Variants in ECT2L observed in about 807,000 individuals in gnomAD.
The protein encoded by ECT2L is epithelial cell transforming 2 like.
ECT2L carries 126 observed loss-of-function variants against 122.8 expected under a neutral mutation model. That is an observed-to-expected ratio of 1.03 (90% confidence interval 0.89 to 1.19). The LOEUF (loss-of-function observed/expected upper bound fraction) is 1.19, where lower values mean the gene tolerates loss of function less well. Among genes scored for constraint, ECT2L ranks in the 50% most tolerant of loss-of-function variants. ECT2L has a pLI of 0.00. For missense variants in ECT2L, 1,012 were observed against 1,064.1 expected, an observed-to-expected ratio of 0.95 and a Z score of 0.68; for synonymous variants, 385 against 381.8, an observed-to-expected ratio of 1.01 and a Z score of -0.10.
chr6:138,901,270 A>C, intron 21 of ECT2L, 150 bp downstream of exon 21: 2 of 839,404 alleles, frequency 2.4e-6, no homozygotes, highest in Non-Finnish European at 3.6e-6. Context: ...TAAACAATGT[A>C]AACTTTCATC....
chr6:138,887,378 C>G (rs1395788464), intron 19 of ECT2L, among the ~76,000 whole-genome samples: 1 of 152,074 alleles, frequency 6.6e-6, no homozygotes, highest in African/African-American at 2.4e-5. Flanking sequence ...AGGTGTCCAC[C>G]ACCACGCCCA....
intron 8 of ECT2L, 107 bp downstream of exon 8, chr6:138,846,784 G>GA: frequency 8.0e-7 from 1 of 1,244,680 alleles, no homozygotes; most frequent in South Asian, 2.3e-5. Context: ...CCATGTGTAT[G>GA]AAAAATGATT....
chr6:138,882,682 C>G, intron 15 of ECT2L, 42 bp from the exon 16 acceptor site: 1 of 1,604,810 alleles, frequency 6.2e-7, no homozygotes, highest in Non-Finnish European at 8.5e-7. Flanking sequence ...TGTAAGTTAT[C>G]ACAAGTGAAT....
rs79568805 is a variant in ECT2L at position 138,843,997 on chromosome 6, G to C, written c.596-415G>C. Among the ~76,000 whole-genome samples the C allele has an allele frequency of 8.6e-3, 1,306 of 152,212 alleles. 22 individuals are homozygous for C. The highest frequency in any genetic ancestry group is 0.03 in the African/African-American group (1,237 of 41,544). ...AGCCACGGCGCCCAGCCTCAGCTAG[G>C]CCTTATGCTTTATGCAGTGTGTAAA... On this transcript the variant is annotated intron_variant, in intron 6 of 21. Transcript: ENST00000541398.
At chr6:138,878,306 T>TATACACACACAC (rs139026623) in intron 14 of ECT2L, among the ~76,000 whole-genome samples, 71 of 150,332 alleles carry the variant, frequency 4.7e-4, no homozygotes, top group Admixed American at 3.1e-3. Context: ...CATATATATA[T>TATACACACACAC]ACACACACAC....
At chr6:138,863,539 C>T (rs1286306210) in intron 11 of ECT2L, among the ~76,000 whole-genome samples, 2 of 151,946 alleles carry the variant, frequency 1.3e-5, no homozygotes, top group Non-Finnish European at 2.9e-5. Flanking sequence ...TTTGGCTCTG[C>T]GGAGAGAGGA....
intron 9 of ECT2L, among the ~76,000 whole-genome samples, chr6:138,849,635 C>G (rs576165680): frequency 1.3e-4 from 19 of 147,878 alleles, no homozygotes; most frequent in African/African-American, 4.0e-4. Context: ...CTGGTGTGAT[C>G]ACGGCTCACT....
At chr6:138,816,492 ATT>A (rs528296059) in intron 4 of ECT2L, among the ~76,000 whole-genome samples, 1 of 149,250 alleles carries the variant, frequency 6.7e-6, no homozygotes, top group African/African-American at 2.5e-5. Flanking sequence ...TCCTTTAAAC[ATT>A]TTTTTTTTGA....
At chr6:138,885,263 C>T (rs980373727) in intron 16 of ECT2L, among the ~76,000 whole-genome samples, 1 of 151,946 alleles carries the variant, frequency 6.6e-6, no homozygotes, top group East Asian at 1.9e-4. Context: ...CTCCTGACCT[C>T]GTGATCCGCC....
chr6:138,820,476 G>T (rs1424834908), intron 4 of ECT2L, among the ~76,000 whole-genome samples: 1 of 152,060 alleles, frequency 6.6e-6, no homozygotes, highest in Admixed American at 6.6e-5. Context: ...AAAAATCCTT[G>T]GCCCTTGATA....
At chr6:138,887,383 C>T (rs1582660955) in intron 19 of ECT2L, among the ~76,000 whole-genome samples, 1 of 152,154 alleles carries the variant, frequency 6.6e-6, no homozygotes, top group East Asian at 1.9e-4. Context: ...TCCACCACCA[C>T]GCCCAGCTAA....
At chr6:138,850,396 C>T (rs1004977007) in intron 9 of ECT2L, among the ~76,000 whole-genome samples, 6 of 152,160 alleles carry the variant, frequency 3.9e-5, no homozygotes, top group Middle Eastern at 3.4e-3. Flanking sequence ...CCACCTGCCT[C>T]GGCCTCCCAA....
chr6:138,823,664 G>A (rs1776340171), intron 4 of ECT2L: 1 of 1,438,216 alleles, frequency 7.0e-7, no homozygotes, highest in South Asian at 1.2e-5. Context: ...ATGTTTTTAT[G>A]GGAGCATCTT....
At chr6:138,869,319 T>C (rs1273456604) in intron 13 of ECT2L, among the ~76,000 whole-genome samples, 1 of 152,252 alleles carries the variant, frequency 6.6e-6, no homozygotes, top group East Asian at 1.9e-4. Flanking sequence ...ATCTTTCTCT[T>C]CCACCATCAT....
rs1482372284 is a variant in ECT2L at position 138,862,705 on chromosome 6, G to T, written c.1277G>T (p.Gly426Val). 2.0e-5 allele frequency: 32 copies of T among 1,613,954 alleles called. No homozygotes were observed. The highest frequency in any genetic ancestry group is 2.6e-5 in the Non-Finnish European group (31 of 1,179,944). Reference sequence around the variant, plus strand: ...ACGGCCCCCACTGGGATTGCAACTGGCTCTTACCAGCACAGTAAGTGTTAT... The same window carrying T: ...ACGGCCCCCACTGGGATTGCAACTGTCTCTTACCAGCACAGTAAGTGTTAT... The part of the protein sequence containing the change: ...FFTAPTGIAT[G>V]SYQHILSDWL... The change falls in exon 11 of 22, where the codon GGC becomes GTC. Residue 426 changes from glycine (G) to valine (V), a missense_variant. Physicochemically the swap from Gly to Val is moderately radical, Grantham distance 109. Coordinates refer to ENST00000541398, the MANE Select transcript of ECT2L (RefSeq NM_001077706.3).
intron 1 of ECT2L, among the ~76,000 whole-genome samples, chr6:138,800,710 T>C (rs543532808): frequency 3.9e-4 from 59 of 152,316 alleles, no homozygotes; most frequent in African/African-American, 1.4e-3. Flanking sequence ...AAGGAATTTG[T>C]TTTTTTCTTA....
intron 14 of ECT2L, chr6:138,879,155 C>A: frequency 8.1e-6 from 2 of 246,806 alleles, no homozygotes; most frequent in South Asian, 4.7e-5. Context: ...AAATTGGAAT[C>A]TGATCCGCCT....
chr6:138,833,591 T>C (rs1374343777), intron 4 of ECT2L, among the ~76,000 whole-genome samples: 1 of 151,884 alleles, frequency 6.6e-6, no homozygotes, highest in Non-Finnish European at 1.5e-5. Context: ...TCACCTGAGG[T>C]CAGGAGTTTG....
intron 1 of ECT2L, among the ~76,000 whole-genome samples, chr6:138,805,691 C>T (rs181017260): frequency 6.6e-5 from 10 of 152,306 alleles, no homozygotes; most frequent in Admixed American, 1.3e-4. Context: ...GGCTCAAACT[C>T]TCTCCATATG....
Sources: gnomAD v4.1 joint callset for allele counts (sites outside exome capture counted in the v4.1 genomes callset) on GRCh38, gnomAD v4.1.1 for gene constraint, MANE v1.5 for transcripts, NCBI Gene and HGNC (gene_info 2026-07-23, HGNC 2026-07-21) for gene names.